ST6GAL1: variants seen among roughly 807,000 people sequenced by gnomAD.
ST6GAL1 encodes the protein ST6 beta-galactoside alpha-2,6-sialyltransferase 1.
A neutral mutation model predicts 38.0 loss-of-function variants in ST6GAL1; 20 were observed. The observed-to-expected ratio is 0.53, with a 90% CI of 0.37 to 0.77. The LOEUF (loss-of-function observed/expected upper bound fraction) is 0.77. ST6GAL1 is among the 30% of genes least tolerant of loss of function. ST6GAL1 has a pLI of 0.00. For synonymous variants in ST6GAL1, 196 were observed against 188.2 expected (o/e 1.04, Z -0.34); for missense variants, 432 against 496.4 (o/e 0.87, Z 1.23).
At chr3:187,053,900 T>C (rs572950292) in intron 5 of ST6GAL1, among the ~76,000 whole-genome samples, 1 of 152,384 alleles carries the variant, frequency 6.6e-6, no homozygotes, top group African/African-American at 2.4e-5. Context: ...AGTATGGCCC[T>C]TTCCACAGTA....
chr3:186,937,490 A>G (rs528103385), intron 1 of ST6GAL1, among the ~76,000 whole-genome samples: 1 of 152,342 alleles, frequency 6.6e-6, no homozygotes, highest in East Asian at 1.9e-4. Context: ...CCCAGTCTTC[A>G]ACGTCTGCAT....
chr3:186,964,945 G>A (rs890100781), intron 2 of ST6GAL1, among the ~76,000 whole-genome samples: 4 of 152,146 alleles, frequency 2.6e-5, no homozygotes, highest in Non-Finnish European at 5.9e-5. Context: ...TGAGATTTCC[G>A]TCATTATTTC....
intron 2 of ST6GAL1, among the ~76,000 whole-genome samples, chr3:186,965,817 A>G: frequency 6.6e-6 from 1 of 152,152 alleles, no homozygotes; most frequent in Non-Finnish European, 1.5e-5. Flanking sequence ...GTCCCAGTGT[A>G]CTTCCTGAGG....
chr3:187,031,440 C>CT (rs530077232), intron 2 of ST6GAL1, among the ~76,000 whole-genome samples: 2,831 of 145,338 alleles, frequency 0.019, 74 homozygotes, highest in African/African-American at 0.055. Context: ...AGTGGATTAT[C>CT]TTTTTTTTTT....
At chr3:186,970,520 G>T (rs370641546) in intron 2 of ST6GAL1, among the ~76,000 whole-genome samples, 1 of 151,948 alleles carries the variant, frequency 6.6e-6, no homozygotes, top group South Asian at 2.1e-4. Context: ...ACTGCGCCCG[G>T]TGGATACAGA....
chr3:186,981,702 G>C (rs757768832), intron 2 of ST6GAL1, among the ~76,000 whole-genome samples: 1 of 152,172 alleles, frequency 6.6e-6, no homozygotes, highest in Non-Finnish European at 1.5e-5. Flanking sequence ...AGGAAATATT[G>C]TTCCATCAGA....
intron 1 of ST6GAL1, among the ~76,000 whole-genome samples, chr3:186,957,920 A>G (rs193072580): frequency 9.9e-5 from 15 of 152,284 alleles, no homozygotes; most frequent in Non-Finnish European, 1.8e-4. Flanking sequence ...TGAGGAATCT[A>G]TGATGCATTT....
chr3:186,952,888 A>G lies in ST6GAL1; in HGVS notation c.-324-10897A>G, dbSNP rs1041763890. Among the ~76,000 whole-genome samples, 1 of 152,176 alleles carries G rather than the reference A, an allele frequency of 6.6e-6. No individual in the cohort carries two copies. Among genetic ancestry groups the G allele is most frequent in the Non-Finnish European group, 1.5e-5 (1 of 68,030 alleles). On this transcript the variant is annotated intron_variant, in intron 1 of 7. Coordinates refer to ENST00000169298, the MANE Select transcript of ST6GAL1 (RefSeq NM_173216.2). The surrounding 1 kb of genome is among the most constrained non-coding windows in gnomAD (Gnocchi z 4.1). ...TTTTCTCCCTAAAAGAGCCATCCTC[A>G]TTTCAGTGGACAACAATTTCATCTT...
At chr3:186,991,572 T>C (rs1189332277) in intron 2 of ST6GAL1, among the ~76,000 whole-genome samples, 2 of 152,180 alleles carry the variant, frequency 1.3e-5, no homozygotes, top group Non-Finnish European at 2.9e-5. Flanking sequence ...CCTCCCTGGA[T>C]GGACTGATAC....
chr3:187,058,183 T>C (rs1478251421), intron 5 of ST6GAL1, among the ~76,000 whole-genome samples: 3 of 152,154 alleles, frequency 2.0e-5, no homozygotes. Flanking sequence ...TGTCCCATTT[T>C]TTCAGGTACC....
intron 2 of ST6GAL1, among the ~76,000 whole-genome samples, chr3:187,017,796 C>T (rs866861210): frequency 2.0e-5 from 3 of 152,154 alleles, no homozygotes; most frequent in South Asian, 2.1e-4. Context: ...AAAGAACGGC[C>T]GCCTGGCGCG....
At chr3:186,934,358 AC>A (rs1439624801) in intron 1 of ST6GAL1, among the ~76,000 whole-genome samples, 1 of 152,182 alleles carries the variant, frequency 6.6e-6, no homozygotes, top group Non-Finnish European at 1.5e-5. Flanking sequence ...AGCCTGAGCA[AC>A]ATAGTGAGAC....
chr3:186,955,861 T>C (rs999760260), intron 1 of ST6GAL1, among the ~76,000 whole-genome samples: 3 of 152,166 alleles, frequency 2.0e-5, no homozygotes, highest in Non-Finnish European at 4.4e-5. Flanking sequence ...GGTCCTTCAC[T>C]TCCCTTGTTA....
chr3:186,969,563 T>C (rs1715277827), intron 2 of ST6GAL1, among the ~76,000 whole-genome samples: 1 of 152,260 alleles, frequency 6.6e-6, no homozygotes, highest in Non-Finnish European at 1.5e-5. Context: ...TCCTTATATA[T>C]TCTACAGATA....
chr3:187,069,128 ACTT>A (rs747870529), intron 5 of ST6GAL1, among the ~76,000 whole-genome samples: 36 of 149,612 alleles, frequency 2.4e-4, no homozygotes, highest in Admixed American at 3.3e-4. Context: ...TCATCCTTGA[ACTT>A]CTTCTTTTTT....
intron 2 of ST6GAL1, among the ~76,000 whole-genome samples, chr3:187,017,355 A>G (rs1448835325): frequency 6.6e-6 from 1 of 152,188 alleles, no homozygotes; most frequent in African/African-American, 2.4e-5. Flanking sequence ...TACTGAGGGT[A>G]ATATCAGGCA....
intron 2 of ST6GAL1, among the ~76,000 whole-genome samples, chr3:186,997,618 G>T (rs1392563282): frequency 6.6e-6 from 1 of 151,850 alleles, no homozygotes; most frequent in African/African-American, 2.4e-5. Context: ...ATAGCCAGGT[G>T]TGGTAGCACA....
chr3:187,043,113 C>T lies in ST6GAL1; in HGVS notation c.410C>T (p.Ala137Val), dbSNP rs1474195377. 1.2e-6 allele frequency: 2 copies of T among 1,614,120 alleles called. No homozygotes were observed. The highest frequency in any genetic ancestry group is 1.6e-4 in the Middle Eastern group (1 of 6,084). Residue 137 changes from alanine (A) to valine (V), a missense_variant, in exon 4 of 8, where the codon GCA (alanine) becomes GTA (valine). Ala to Val is a moderately conservative substitution (Grantham distance 64, BLOSUM62 0). Coordinates refer to ENST00000169298, the MANE Select transcript of ST6GAL1 (RefSeq NM_173216.2). Reference protein sequence around the residue: ...KGPGPGIKFSAEALRCHLRDH... With the variant: ...KGPGPGIKFSVEALRCHLRDH... The stretch of plus-strand genomic sequence containing the variant: ...CCAGGACCAGGCATCAAGTTCAGTG[C>T]AGAGGCCCTGCGCTGCCACCTCCGG...
chr3:187,043,184 A>G lies in ST6GAL1; in HGVS notation c.481A>G (p.Asn161Asp), dbSNP rs1718186712. 1.2e-6 allele frequency: 2 copies of G among 1,614,086 alleles called. No individual in the cohort carries two copies. Among genetic ancestry groups the G allele is most frequent in the African/African-American group, 1.3e-5 (1 of 74,938 alleles). ...SMVEVTDFPF[N>D]TSEWEGYLPK... Reference sequence around the variant, plus strand: ...GGTAGAGGTCACAGATTTTCCCTTCAATACCTCTGAATGGGAGGGTTATCT... The same window carrying G: ...GGTAGAGGTCACAGATTTTCCCTTCGATACCTCTGAATGGGAGGGTTATCT... Residue 161 changes from asparagine (N) to aspartate (D), a missense_variant, in exon 4 of 8, where the codon AAT becomes GAT. Asn to Asp is a conservative substitution (Grantham distance 23, BLOSUM62 1). Transcript: ENST00000169298.
Sources: gnomAD v4.1 joint callset for allele counts (sites outside exome capture counted in the v4.1 genomes callset) on GRCh38, gnomAD v4.1.1 for gene constraint, Gnocchi (gnomAD v3.1) non-coding constraint, MANE v1.5 for transcripts, NCBI Gene and HGNC (gene_info 2026-07-23, HGNC 2026-07-21) for gene names.